The following DRD3 variants were observed in gnomAD, a reference collection of about 807,000 sequenced individuals.
DRD3 encodes the protein dopamine receptor D3.
DRD3 carries 19 observed loss-of-function variants against 36.3 expected under a neutral mutation model. That is an observed-to-expected ratio of 0.52 (90% confidence interval 0.36 to 0.77). The LOEUF (loss-of-function observed/expected upper bound fraction) is 0.77, where lower values mean the gene tolerates loss of function less well. Ranked by LOEUF, DRD3 falls within the 30% of genes least tolerant of loss-of-function variation. The pLI is 0.00. For synonymous variants in DRD3, 195 were observed against 203.7 expected, an observed-to-expected ratio of 0.96 and a Z score of 0.36; for missense variants, 465 against 505.3, an observed-to-expected ratio of 0.92 and a Z score of 0.77.
intron 1 of DRD3, among the ~76,000 whole-genome samples, chr3:114,187,092 T>A (rs574650809): frequency 1.3e-5 from 2 of 152,328 alleles, no homozygotes; most frequent in South Asian, 4.1e-4. Flanking sequence ...TCATGGGGAA[T>A]AAGATGGAGG....
At chr3:114,171,454 A>C (rs2077840482) in intron 2 of DRD3, among the ~76,000 whole-genome samples, 1 of 152,108 alleles carries the variant, frequency 6.6e-6, no homozygotes, top group Non-Finnish European at 1.5e-5. Context: ...CCATATTAGG[A>C]AGAGTCCCGT....
At chr3:114,148,699 G>GTTGC (rs1172007895) in intron 3 of DRD3, among the ~76,000 whole-genome samples, 1 of 152,044 alleles carries the variant, frequency 6.6e-6, no homozygotes, top group Admixed American at 6.6e-5. Context: ...TTTCATATAA[G>GTTGC]TTGCTTGCTT....
upstream of DRD3, among the ~76,000 whole-genome samples, chr3:114,179,382 C>T (rs778061095): frequency 6.6e-6 from 1 of 152,100 alleles, no homozygotes; most frequent in Non-Finnish European, 1.5e-5. Flanking sequence ...TGAGGCATGG[C>T]GTATAACTGG....
rs11299557 is a variant in DRD3, at chr3:114,132,568, TAA to T, written c.724-1170_724-1169del. On this transcript the variant is annotated intron_variant, in intron 5 of 6. Transcript: ENST00000383673. ...AGCACACGTACCCCAGAACTTAAAG[TAA>T]AAAAAAAAAAAAAGCAGCACCCACC... Among the ~76,000 whole-genome samples, 353 of 137,390 alleles carry T rather than the reference TAA, an allele frequency of 2.6e-3. 2 individuals carry two copies. Among genetic ancestry groups the T allele is most frequent in the East Asian group, 0.021 (100 of 4,766 alleles). 90.1% of individuals were successfully genotyped at this position (137,390 alleles called of 152,430 possible). A position where few individuals can be genotyped will look rare whatever the true frequency, so the allele number is the denominator to read the frequency against.
chr3:114,146,727 GA>G (rs201397476), intron 4 of DRD3, among the ~76,000 whole-genome samples: 5,196 of 148,708 alleles, frequency 0.035, 320 homozygotes, highest in African/African-American at 0.12. Flanking sequence ...AAAAGAAAAA[GA>G]AAAAAAATTA....
At chr3:114,171,636 G>A in intron 2 of DRD3, 87 bp downstream of exon 2, 1 of 1,427,028 alleles carries the variant, frequency 7.0e-7, no homozygotes, top group African/African-American at 1.5e-5. Flanking sequence ...ACTGTCTGGG[G>A]AGTCTTTTGA....
chr3:114,164,822 G>A (rs2077767789), intron 2 of DRD3, among the ~76,000 whole-genome samples: 2 of 152,184 alleles, frequency 1.3e-5, no homozygotes, highest in African/African-American at 4.8e-5. Flanking sequence ...CACAATCTCG[G>A]CTCACTGCAA....
At position 114,156,725 on chromosome 3, in the gene DRD3, CTTTCTTTCTTTCTTTCTTTTTCTTTCTT is replaced by C. The variant is rs1461477867; in HGVS notation, c.383+3002_383+3029del. On this transcript the variant is annotated intron_variant, in intron 3 of 6. Transcript: ENST00000383673. ...CAATATGGCTTGCCTGTCTTTCTTT[CTTTCTTTCTTTCTTTCTTTTTCTTTCTT>C]TCTTTCTTTCTTTCTTTCTTTCTTT... 1.2e-3 allele frequency among the ~76,000 whole-genome samples: 55 copies of C among 47,330 alleles called. 1 individual carries two copies. The highest frequency in any genetic ancestry group is 0.012 in the Middle Eastern group (1 of 84). The allele number at this position is 47,330 out of a possible 152,430, so 31.1% of individuals were successfully genotyped here.
intron 2 of DRD3, among the ~76,000 whole-genome samples, chr3:114,167,075 A>C (rs2107877271): frequency 6.6e-6 from 1 of 152,242 alleles, no homozygotes; most frequent in South Asian, 2.1e-4. Context: ...TTCCCTTCCC[A>C]AAATTTTGCT....
intron 4 of DRD3, among the ~76,000 whole-genome samples, chr3:114,140,640 A>G (rs78622784): frequency 0.027 from 4,061 of 152,332 alleles, 94 homozygotes; most frequent in Non-Finnish European, 0.037. Context: ...AGAGAGGTTC[A>G]GTAAGTAGCC....
At chr3:114,167,194 G>A (rs1050030323) in intron 2 of DRD3, among the ~76,000 whole-genome samples, 8 of 151,994 alleles carry the variant, frequency 5.3e-5, no homozygotes, top group African/African-American at 1.9e-4. Flanking sequence ...TAATCCTCAA[G>A]TTTTTCCTCC....
intron 3 of DRD3, among the ~76,000 whole-genome samples, chr3:114,152,631 T>C (rs1329429653): frequency 2.0e-5 from 3 of 152,222 alleles, no homozygotes; most frequent in South Asian, 2.1e-4. Flanking sequence ...CAGCAAGAAC[T>C]CTGCCAGCAC....
intron 1 of DRD3, among the ~76,000 whole-genome samples, chr3:114,188,359 G>A (rs2077987162): frequency 6.6e-6 from 1 of 151,944 alleles, no homozygotes; most frequent in Non-Finnish European, 1.5e-5. Flanking sequence ...CTACGGGCGT[G>A]TGCCACAACA....
In DRD3 at chr3:114,178,970, C is replaced by T. The variant is rs1399166773; in HGVS notation, c.-349G>A. On this transcript the variant is annotated 5_prime_UTR_variant, in exon 1 of 7. Coordinates refer to ENST00000383673, the MANE Select transcript of DRD3 (RefSeq NM_000796.6). ...TGGGTCAGCCGCTCAGAGGTTCTGTCCTTGGTGCTGAAAGAGGGATGGAGT... is the reference window on the plus strand; with the variant it reads ...TGGGTCAGCCGCTCAGAGGTTCTGTTCTTGGTGCTGAAAGAGGGATGGAGT... 6.6e-6 allele frequency: 1 copy of T among 152,130 alleles called. No homozygotes were observed. The highest frequency in any genetic ancestry group is 6.6e-5 in the Admixed American group (1 of 15,256). The allele number at this position is 152,130 out of a possible 1,614,324, so 9.4% of individuals were successfully genotyped here.
chr3:114,174,189 T>C (rs1271245954), intron 1 of DRD3, among the ~76,000 whole-genome samples: 2 of 152,244 alleles, frequency 1.3e-5, no homozygotes. Context: ...GCACCGCTGC[T>C]GCCAAGAGCT....
chr3:114,156,056 T>C (rs751174591), intron 3 of DRD3, among the ~76,000 whole-genome samples: 9 of 152,214 alleles, frequency 5.9e-5, no homozygotes, highest in Non-Finnish European at 1.0e-4. Context: ...TGACACACAT[T>C]AACTCATTTC....
At chr3:114,183,555 T>C (rs2077959287), upstream of DRD3, among the ~76,000 whole-genome samples, 1 of 152,192 alleles carries the variant, frequency 6.6e-6, no homozygotes, top group Non-Finnish European at 1.5e-5. Flanking sequence ...TAGAATTGTA[T>C]ATTTTTCTCT....
chr3:114,182,482 G>GT (rs145438954), upstream of DRD3, among the ~76,000 whole-genome samples: 11,199 of 152,056 alleles, frequency 0.074, 587 homozygotes, highest in African/African-American at 0.14. Flanking sequence ...AATGATAGTG[G>GT]TTTTTTATAT....
At chr3:114,182,211 C>T (rs2077951959), upstream of DRD3, among the ~76,000 whole-genome samples, 1 of 152,186 alleles carries the variant, frequency 6.6e-6, no homozygotes, top group Non-Finnish European at 1.5e-5. Context: ...GCCCCTGTTC[C>T]TCTCCAATGA....
Sources: gnomAD v4.1 joint callset for allele counts (sites outside exome capture counted in the v4.1 genomes callset) on GRCh38, gnomAD v4.1.1 for gene constraint, MANE v1.5 for transcripts, NCBI Gene and HGNC (gene_info 2026-07-23, HGNC 2026-07-21) for gene names.